Variants in DYRK1A observed in about 807,000 individuals in gnomAD.
DYRK1A encodes the protein dual specificity tyrosine phosphorylation regulated kinase 1A.
Under a neutral mutation model 79.7 loss-of-function variants are expected in DYRK1A, and 9 were observed. The ratio of observed to expected loss-of-function variants is 0.11; its 90% CI spans 0.07 to 0.20. The LOEUF (loss-of-function observed/expected upper bound fraction) is 0.20. Ranked by LOEUF, DYRK1A falls within the 10% of genes least tolerant of loss-of-function variation. The pLI is 1.00. For missense variants in DYRK1A, 622 were observed against 956.0 expected (o/e 0.65, Z 4.61); for synonymous variants, 349 against 329.7 (o/e 1.06, Z -0.63).
intron 1 of DYRK1A, among the ~76,000 whole-genome samples, chr21:37,396,505 T>A (rs2148394516): frequency 6.7e-6 from 1 of 150,116 alleles, no homozygotes; most frequent in East Asian, 2.0e-4. Flanking sequence ...AGTCAGTGAA[T>A]TAAATTAATC....
intron 1 of DYRK1A, among the ~76,000 whole-genome samples, chr21:37,393,140 G>A (rs1287300662): frequency 6.6e-6 from 1 of 152,230 alleles, no homozygotes; most frequent in Non-Finnish European, 1.5e-5. Context: ...GATAGATTGA[G>A]CTGTTTTGGT....
At chr21:37,484,321 A>G (rs2052770216) in intron 5 of DYRK1A, among the ~76,000 whole-genome samples, 2 of 145,292 alleles carry the variant, frequency 1.4e-5, no homozygotes, top group Admixed American at 1.4e-4. Context: ...GTTGCACTCA[A>G]TAGGTCCCTT....
rs771936449 is a variant in DYRK1A at position 37,514,962 on chromosome 21, A to G, written c.*2431A>G. The G allele has an allele frequency of 3.9e-5, 6 of 152,648 alleles. No homozygotes were observed. Among genetic ancestry groups the G allele is most frequent in the Non-Finnish European group, 8.8e-5 (6 of 68,038 alleles). 9.5% of individuals were successfully genotyped at this position (152,648 alleles called of 1,614,324 possible). ...GCTTCTGCATACTGTGTTATGTTAC[A>G]GTCCAGTTTTGTGTGCTTTACTACA... is the stretch of plus-strand genomic sequence containing the variant. On this transcript the variant is annotated 3_prime_UTR_variant, in exon 12 of 12. Transcript: ENST00000647188.
intron 2 of DYRK1A, among the ~76,000 whole-genome samples, chr21:37,461,846 T>C (rs2051848271): frequency 6.6e-6 from 1 of 150,784 alleles, no homozygotes; most frequent in Admixed American, 6.6e-5. Flanking sequence ...GTGTGATTTT[T>C]GTGTGACTTT....
intron 1 of DYRK1A, among the ~76,000 whole-genome samples, chr21:37,409,227 A>C (rs2050200686): frequency 6.6e-6 from 1 of 152,192 alleles, no homozygotes; most frequent in Non-Finnish European, 1.5e-5. Context: ...CAGTAAAAAG[A>C]AGCAGCTGTG....
At chr21:37,492,910 C>A in intron 7 of DYRK1A, 107 bp from the exon 8 acceptor site, 1 of 895,962 alleles carries the variant, frequency 1.1e-6, no homozygotes, top group Non-Finnish European at 1.7e-6. Flanking sequence ...AACCCTAATT[C>A]AGGAATTAGC....
At chr21:37,505,728 G>C (rs978552424) in intron 10 of DYRK1A, 139 bp downstream of exon 10, 8 of 957,268 alleles carry the variant, frequency 8.4e-6, no homozygotes, top group Non-Finnish European at 1.2e-5. Flanking sequence ...TTTGTAGTTA[G>C]TAGTAAATTC....
At chr21:37,412,608 T>C (rs1418947998) in intron 1 of DYRK1A, among the ~76,000 whole-genome samples, 2 of 152,086 alleles carry the variant, frequency 1.3e-5, no homozygotes, top group Non-Finnish European at 2.9e-5. Context: ...TTAAGGTGAA[T>C]TAAGGACTTG....
intron 1 of DYRK1A, among the ~76,000 whole-genome samples, chr21:37,406,996 C>T (rs1421852027): frequency 6.6e-6 from 1 of 150,404 alleles, no homozygotes; most frequent in Admixed American, 6.6e-5. Flanking sequence ...CCTCCCCTAG[C>T]TCTCCAGGCC....
At chr21:37,484,736 A>G (rs1231140360) in intron 5 of DYRK1A, among the ~76,000 whole-genome samples, 1 of 152,216 alleles carries the variant, frequency 6.6e-6, no homozygotes, top group East Asian at 1.9e-4. Context: ...TTGTGCTCAT[A>G]GTTAGGTTTT....
At chr21:37,496,415 T>C (rs2053271211) in intron 9 of DYRK1A, among the ~76,000 whole-genome samples, 157 bp downstream of exon 9, 1 of 152,216 alleles carries the variant, frequency 6.6e-6, no homozygotes, top group African/African-American at 2.4e-5. Context: ...TTGAGTATAG[T>C]TTGACCTGAA....
At chr21:37,416,632 G>A (rs2050347889) in intron 1 of DYRK1A, among the ~76,000 whole-genome samples, 1 of 152,186 alleles carries the variant, frequency 6.6e-6, no homozygotes, top group Middle Eastern at 3.4e-3. Context: ...ATGAGCCAAA[G>A]TTTATAAGAG....
At chr21:37,407,503 T>C (rs912542746) in intron 1 of DYRK1A, among the ~76,000 whole-genome samples, 1 of 152,238 alleles carries the variant, frequency 6.6e-6, no homozygotes, top group Non-Finnish European at 1.5e-5. Flanking sequence ...AATATTATGT[T>C]AACTTTGGTT....
At chr21:37,458,299 T>TGTGTGTGTGTGTGTGTGTGC (rs886271557) in intron 2 of DYRK1A, among the ~76,000 whole-genome samples, 6 of 151,570 alleles carry the variant, frequency 4.0e-5, no homozygotes, top group African/African-American at 1.5e-4. Flanking sequence ...TGTGTGTGTG[T>TGTGTGTGTGTGTGTGTGTGC]GTGTGTGTAC....
intron 3 of DYRK1A, among the ~76,000 whole-genome samples, chr21:37,473,987 T>C (rs2052315407): frequency 6.6e-6 from 1 of 152,194 alleles, no homozygotes; most frequent in Admixed American, 6.5e-5. Context: ...ATTTGCACTT[T>C]GAGGAAACCA....
In DYRK1A at chr21:37,518,048, A is replaced by G. The variant is rs1327855499; in HGVS notation, c.*5517A>G. 6.6e-6 allele frequency: 1 copy of G among 152,262 alleles called. No individual in the cohort carries two copies. The highest frequency in any genetic ancestry group is 2.4e-5 in the African/African-American group (1 of 41,438). The allele number at this position is 152,262 out of a possible 1,614,324, so 9.4% of individuals were successfully genotyped here. ...GCTGGGACTACCTGTGCACACCACC[A>G]TGCCTGGCTGTTTTTAATACGGGGT... On this transcript the variant is annotated 3_prime_UTR_variant, in exon 12 of 12. Coordinates refer to ENST00000647188, the MANE Select transcript of DYRK1A (RefSeq NM_001347721.2).
chr21:37,413,724 C>G (rs1283505013), intron 1 of DYRK1A, among the ~76,000 whole-genome samples: 1 of 152,120 alleles, frequency 6.6e-6, no homozygotes, highest in Non-Finnish European at 1.5e-5. Flanking sequence ...CGTCATTGGG[C>G]CACCTCTTCT....
chr21:37,431,155 G>A (rs1446418896), intron 2 of DYRK1A, among the ~76,000 whole-genome samples: 1 of 152,102 alleles, frequency 6.6e-6, no homozygotes, highest in African/African-American at 2.4e-5. Flanking sequence ...TAGAGGATAA[G>A]AACAATATGT....
intron 2 of DYRK1A, among the ~76,000 whole-genome samples, chr21:37,464,108 G>C (rs1025117395): frequency 7.2e-5 from 11 of 152,170 alleles, no homozygotes; most frequent in Admixed American, 2.6e-4. Flanking sequence ...TATCAGAGAT[G>C]ATGGCTTCTG....
Sources: allele counts gnomAD v4.1 joint callset (sites outside exome capture counted in the v4.1 genomes callset), GRCh38; gene constraint gnomAD v4.1.1; transcripts MANE v1.5; gene names NCBI Gene and HGNC (gene_info 2026-07-23, HGNC 2026-07-21).